The following ATRNL1 variants were observed in gnomAD, a reference collection of about 807,000 sequenced individuals.
The protein encoded by ATRNL1 is attractin-like protein 1.
A neutral mutation model predicts 182.7 loss-of-function variants in ATRNL1; 95 were observed. The observed-to-expected ratio is 0.52, with a 90% CI of 0.44 to 0.62. The LOEUF is 0.62. ATRNL1 is among the 20% of genes least tolerant of loss of function. The probability of loss-of-function intolerance (pLI) is 0.00; values close to 1 mark genes in which losing one functional copy is unlikely to be tolerated. For missense variants in ATRNL1, 1,471 were observed against 1,679.5 expected (o/e 0.88, Z 2.17); for synonymous variants, 576 against 568.3 (o/e 1.01, Z -0.19).
chr10:115,314,986 C>G (rs1216977643), intron 17 of ATRNL1, among the ~76,000 whole-genome samples: 1 of 152,116 alleles, frequency 6.6e-6, no homozygotes, highest in East Asian at 1.9e-4. Flanking sequence ...TTATTCATCA[C>G]ATAGTAGCCA....
chr10:115,260,318 A>T (rs182645398), intron 10 of ATRNL1, among the ~76,000 whole-genome samples: 158 of 152,328 alleles, frequency 1.0e-3, no homozygotes, highest in African/African-American at 3.5e-3. Flanking sequence ...TTATCCACTT[A>T]GGGTCTTCCT....
chr10:115,105,242 T>C (rs1314459406), intron 1 of ATRNL1, among the ~76,000 whole-genome samples: 1 of 152,160 alleles, frequency 6.6e-6, no homozygotes, highest in South Asian at 2.1e-4. Flanking sequence ...ATTTTTCCCC[T>C]GCCTAGAGGT....
intron 26 of ATRNL1, among the ~76,000 whole-genome samples, chr10:115,575,765 A>G (rs552830898): frequency 5.7e-4 from 87 of 152,146 alleles, no homozygotes; most frequent in Non-Finnish European, 1.1e-3. Flanking sequence ...GAGCACCTGA[A>G]ATCTACTCTC....
chr10:115,876,498 A>C (rs1224236980), intron 28 of ATRNL1, among the ~76,000 whole-genome samples: 1 of 152,234 alleles, frequency 6.6e-6, no homozygotes, highest in Non-Finnish European at 1.5e-5. Context: ...TTTGCTGCTC[A>C]GAAGCTTATC....
At chr10:115,319,623 C>T (rs1264370209) in intron 18 of ATRNL1, among the ~76,000 whole-genome samples, 3 of 150,938 alleles carry the variant, frequency 2.0e-5, no homozygotes, top group Admixed American at 1.3e-4. Context: ...GAATTGTTCT[C>T]TTTATCATTA....
chr10:115,123,965 G>A (rs564814124), intron 3 of ATRNL1, among the ~76,000 whole-genome samples: 2 of 151,968 alleles, frequency 1.3e-5, no homozygotes, highest in South Asian at 4.2e-4. Context: ...CTAGTTGCAG[G>A]AAATCAAGTT....
intron 21 of ATRNL1, among the ~76,000 whole-genome samples, chr10:115,454,524 C>T (rs1370860494): frequency 1.3e-5 from 2 of 151,974 alleles, no homozygotes; most frequent in African/African-American, 4.8e-5. Context: ...TTAATTTTTC[C>T]AATCCATGAA....
At position 115,431,329 on chromosome 10, in the gene ATRNL1, T is replaced by C. The variant is rs961987993; in HGVS notation, c.3322+5027T>C. Among the ~76,000 whole-genome samples the C allele has an allele frequency of 6.0e-5, 9 of 149,510 alleles. No individual in the cohort carries two copies. The Admixed American group carries it at 6.1e-4, about 10-fold the overall frequency. On this transcript the variant is annotated intron_variant, in intron 21 of 28. Coordinates refer to ENST00000355044, the MANE Select transcript of ATRNL1 (RefSeq NM_207303.4). ...CTGAGGCAGGAGAATCGCTTGAACC[T>C]GGGAGGTGGTGGAGGTTGCGGAGAA...
chr10:115,915,254 C>T (rs533003706), intron 28 of ATRNL1, among the ~76,000 whole-genome samples: 8 of 152,002 alleles, frequency 5.3e-5, no homozygotes, highest in Admixed American at 2.0e-4. Flanking sequence ...AAAAATTAGC[C>T]AGGCGTGGTG....
intron 20 of ATRNL1, among the ~76,000 whole-genome samples, chr10:115,405,000 T>C (rs1424093684): frequency 6.6e-6 from 1 of 151,932 alleles, no homozygotes; most frequent in African/African-American, 2.4e-5. Context: ...GAATTGCTAA[T>C]AAAAAAGAAA....
At chr10:115,763,445 A>T (rs966508211) in intron 27 of ATRNL1, among the ~76,000 whole-genome samples, 4 of 152,210 alleles carry the variant, frequency 2.6e-5, no homozygotes, top group Non-Finnish European at 5.9e-5. Flanking sequence ...ATGAGAGGGC[A>T]GTATTTGAGC....
intron 26 of ATRNL1, among the ~76,000 whole-genome samples, chr10:115,719,858 A>G (rs1203766344): frequency 8.6e-6 from 1 of 115,800 alleles, no homozygotes; most frequent in Admixed American, 1.0e-4. Flanking sequence ...CCCCCCACAC[A>G]CTCTTTTTTT....
At chr10:115,506,838 G>T (rs1554981456) in intron 24 of ATRNL1, among the ~76,000 whole-genome samples, 1 of 152,178 alleles carries the variant, frequency 6.6e-6, no homozygotes, top group South Asian at 2.1e-4. Context: ...GGCATCTCCA[G>T]TCAGAATTGC....
chr10:115,217,303 G>T (rs1592273905), intron 9 of ATRNL1, among the ~76,000 whole-genome samples: 1 of 152,084 alleles, frequency 6.6e-6, no homozygotes, highest in Admixed American at 6.6e-5. Context: ...GGTAAGCCTG[G>T]TCTTGAACTC....
intron 27 of ATRNL1, among the ~76,000 whole-genome samples, chr10:115,836,113 C>A (rs1438819589): frequency 6.6e-6 from 1 of 152,154 alleles, no homozygotes; most frequent in Non-Finnish European, 1.5e-5. Context: ...ATTTTAAGAA[C>A]ATCATCAATC....
chr10:115,331,217 G>A (rs1447322595), intron 18 of ATRNL1, among the ~76,000 whole-genome samples: 1 of 151,972 alleles, frequency 6.6e-6, no homozygotes, highest in Non-Finnish European at 1.5e-5. Flanking sequence ...CCGCCACCAA[G>A]CCTGGCTAAT....
chr10:115,253,775 C>G (rs1446368283), intron 10 of ATRNL1, among the ~76,000 whole-genome samples: 1 of 152,106 alleles, frequency 6.6e-6, no homozygotes, highest in Non-Finnish European at 1.5e-5. Flanking sequence ...TCTCCTAATG[C>G]TATCCATCCC....
At chr10:115,151,338 A>G (rs1554880528) in intron 5 of ATRNL1, among the ~76,000 whole-genome samples, 1 of 152,190 alleles carries the variant, frequency 6.6e-6, no homozygotes, top group East Asian at 1.9e-4. Flanking sequence ...AGTCCCACCA[A>G]CAGTGTAAAA....
intron 15 of ATRNL1, among the ~76,000 whole-genome samples, chr10:115,293,643 G>A (rs925256954): frequency 3.9e-5 from 6 of 152,112 alleles, no homozygotes; most frequent in African/African-American, 9.7e-5. Flanking sequence ...TTATTGTAAG[G>A]CTAGTCTATT....
Sources: gnomAD v4.1 joint callset for allele counts (sites outside exome capture counted in the v4.1 genomes callset) on GRCh38, gnomAD v4.1.1 for gene constraint, MANE v1.5 for transcripts, NCBI Gene and HGNC (gene_info 2026-07-23, HGNC 2026-07-21) for gene names.